Variants in LITAF observed in about 807,000 individuals in gnomAD.
LITAF encodes lipopolysaccharide induced TNF factor.
Under a neutral mutation model 14.5 loss-of-function variants are expected in LITAF, and 9 were observed. The observed-to-expected ratio is 0.62, with a 90% CI of 0.37 to 1.08. The LOEUF is 1.08. LITAF is among the 50% of genes least tolerant of loss of function. The pLI is 0.01. For missense variants in LITAF, 206 were observed against 213.4 expected (o/e 0.97, Z 0.22); for synonymous variants, 98 against 88.2 (o/e 1.11, Z -0.62).
Position 11,605,946 on chromosome 16 carries a change from G to A in LITAF, c.85+27587C>T, listed in dbSNP as rs191145680. Among the ~76,000 whole-genome samples the A allele has an allele frequency of 2.6e-4, 39 of 152,268 alleles. No individual in the cohort carries two copies. The Middle Eastern group carries it at 0.014, about 53-fold the overall frequency. On this transcript the variant is annotated intron_variant, in intron 3 of 3. Transcript: ENST00000574848. This position sits in a 1 kb window ranked among gnomAD's most constrained non-coding sequence, Gnocchi z 4.7. ...CGGCCTGCGCACAGCCTGATCTTCT[G>A]GGAGCCCCCATTCTTCCTTCAAAGT...
In LITAF at chr16:11,558,566, G is replaced by A. The variant is rs1365154747; in HGVS notation, c.-5-1831C>T. On this transcript the variant is annotated intron_variant, in intron 1 of 3. Coordinates refer to ENST00000622633, the MANE Select transcript of LITAF (RefSeq NM_001136472.2). The surrounding 1 kb of genome is among the most constrained non-coding windows in gnomAD (Gnocchi z 4.1). Reference sequence around the variant, plus strand: ...CTACAACGAATAAAAAAAGTAGCCAGGTGTAGTGGCACACACCTGTAATCC... The same window carrying A: ...CTACAACGAATAAAAAAAGTAGCCAAGTGTAGTGGCACACACCTGTAATCC... Among the ~76,000 whole-genome samples the A allele has an allele frequency of 6.6e-6, 1 of 152,074 alleles. No individual in the cohort carries two copies. The highest frequency in any genetic ancestry group is 1.5e-5 in the Non-Finnish European group (1 of 68,008).
chr16:11,557,980 A>G (rs1027290053), intron 1 of LITAF, among the ~76,000 whole-genome samples: 5 of 152,130 alleles, frequency 3.3e-5, no homozygotes, highest in Non-Finnish European at 7.4e-5. Flanking sequence ...AAGCAGACAC[A>G]GTGCTGTTCT....
intron 3 of LITAF, among the ~76,000 whole-genome samples, chr16:11,628,660 G>A (rs1009418365): frequency 9.9e-5 from 15 of 150,824 alleles, no homozygotes; most frequent in Admixed American, 6.0e-4. Flanking sequence ...GTGCCACCAC[G>A]GCTGGCTAAT....
At chr16:11,594,347 C>T (rs1404221803) in intron 1 of LITAF, among the ~76,000 whole-genome samples, 1 of 151,848 alleles carries the variant, frequency 6.6e-6, no homozygotes, top group African/African-American at 2.4e-5. Context: ...GTGGGCATAG[C>T]AAGAGGAGGC....
intron 3 of LITAF, among the ~76,000 whole-genome samples, chr16:11,626,895 T>G (rs941474170): frequency 1.3e-5 from 2 of 151,888 alleles, no homozygotes; most frequent in African/African-American, 4.8e-5. Context: ...CAGGATGGAG[T>G]GCAGTGGCAC....
At chr16:11,631,765 GTTTA>G (rs1476604314) in intron 3 of LITAF, among the ~76,000 whole-genome samples, 3 of 151,924 alleles carry the variant, frequency 2.0e-5, no homozygotes, top group African/African-American at 4.8e-5. Flanking sequence ...CCGTCATTGG[GTTTA>G]GAACCCACCC....
intron 3 of LITAF, among the ~76,000 whole-genome samples, chr16:11,631,242 T>C (rs1216552204): frequency 6.6e-6 from 1 of 152,154 alleles, no homozygotes; most frequent in African/African-American, 2.4e-5. Context: ...AAAACAGCAA[T>C]GTATTCTCTG....
intron 1 of LITAF, chr16:11,636,107 A>G (rs905378090): frequency 6.6e-6 from 1 of 152,242 alleles, no homozygotes; most frequent in African/African-American, 2.4e-5. Context: ...CTCCATCCCA[A>G]GCATGGAGAA....
intron 1 of LITAF, among the ~76,000 whole-genome samples, chr16:11,572,477 TGACATCACACACCTGCTGACGG>T (rs1288954167): frequency 8.7e-4 from 132 of 151,782 alleles, no homozygotes; most frequent in South Asian, 1.9e-3. Context: ...AGAAGTCACA[TGACATCACACACCTGCTGACGG>T]GACATCACAC....
intron 1 of LITAF, 40 bp from the exon 2 acceptor site, chr16:11,556,775 TGA>T (rs2064277755): frequency 1.3e-6 from 2 of 1,514,932 alleles, no homozygotes; most frequent in African/African-American, 2.7e-5. Flanking sequence ...GAAATTCAGT[TGA>T]TCTCTCCCTC....
chr16:11,548,427 C>A lies in LITAF; in HGVS notation c.*1210G>T, dbSNP rs900549231. ...AGTTCTGGTTCCCAAGCATCCGCAC[C>A]ATGGTACCCAGACATGCTCAAAATG... On this transcript the variant is annotated 3_prime_UTR_variant, in exon 4 of 4. Coordinates refer to ENST00000622633, the MANE Select transcript of LITAF (RefSeq NM_001136472.2). 4.4e-6 allele frequency: 2 copies of A among 453,854 alleles called. No homozygotes were observed. The highest frequency in any genetic ancestry group is 8.8e-6 in the Non-Finnish European group (2 of 226,774). 28.1% of individuals were successfully genotyped at this position (453,854 alleles called of 1,614,324 possible). A position where few individuals can be genotyped will look rare whatever the true frequency, so the allele number is the denominator to read the frequency against.
chr16:11,624,211 C>G (rs1260191628), intron 3 of LITAF, among the ~76,000 whole-genome samples: 1 of 152,144 alleles, frequency 6.6e-6, no homozygotes, highest in African/African-American at 2.4e-5. Flanking sequence ...ATCAGGTAGG[C>G]CTTTCCCTCA....
chr16:11,605,606 G>C lies in LITAF; in HGVS notation c.85+27927C>G, dbSNP rs1597368842. ...AGAAAAAGAATTGAGATGGGACAAG[G>C]AGTGAGAAGAGGGGAGGAAGCAAGA... On this transcript the variant is annotated intron_variant, in intron 3 of 3. Coordinates refer to the LITAF transcript ENST00000574848. This position sits in a 1 kb window ranked among gnomAD's most constrained non-coding sequence, Gnocchi z 4.7. Among the ~76,000 whole-genome samples, 1 of 152,176 alleles carries C rather than the reference G, an allele frequency of 6.6e-6. No homozygotes were observed. The highest frequency in any genetic ancestry group is 6.5e-5 in the Admixed American group (1 of 15,274).
At chr16:11,629,185 G>A (rs575686426) in intron 3 of LITAF, 84 of 152,416 alleles carry the variant, frequency 5.5e-4, no homozygotes, top group African/African-American at 1.9e-3. Flanking sequence ...ATCAGATGAG[G>A]AAGGCTCAGA....
At chr16:11,614,461 G>A (rs1212872956) in intron 3 of LITAF, among the ~76,000 whole-genome samples, 2 of 151,618 alleles carry the variant, frequency 1.3e-5, no homozygotes, top group East Asian at 1.9e-4. Context: ...CACCAGGCCC[G>A]GCTAATTTTT....
chr16:11,639,087 T>C (rs1352668396), upstream of LITAF, among the ~76,000 whole-genome samples: 1 of 151,332 alleles, frequency 6.6e-6, no homozygotes, highest in East Asian at 1.9e-4. Flanking sequence ...GATGGATGAG[T>C]AAACAAATGG....
upstream of LITAF, among the ~76,000 whole-genome samples, chr16:11,638,042 C>CTA (rs559457634): frequency 5.0e-4 from 43 of 85,172 alleles, 3 homozygotes; most frequent in South Asian, 5.1e-3. Flanking sequence ...CTATATATAT[C>CTA]TATATATATA....
intron 3 of LITAF, among the ~76,000 whole-genome samples, chr16:11,623,173 G>A (rs980633403): frequency 6.6e-6 from 1 of 151,614 alleles, no homozygotes; most frequent in African/African-American, 2.4e-5. Context: ...GTGTTAGCCA[G>A]GATGGTCTCG....
intron 1 of LITAF, among the ~76,000 whole-genome samples, chr16:11,579,780 A>G (rs2064705207): frequency 6.6e-6 from 1 of 152,218 alleles, no homozygotes; most frequent in South Asian, 2.1e-4. Flanking sequence ...CCAAAATTAA[A>G]AGTTTATTTA....
Sources: allele counts gnomAD v4.1 joint callset (sites outside exome capture counted in the v4.1 genomes callset), GRCh38; gene constraint gnomAD v4.1.1; non-coding constraint Gnocchi (gnomAD v3.1); transcripts MANE v1.5; gene names NCBI Gene and HGNC (gene_info 2026-07-23, HGNC 2026-07-21).